HMGXB4: variants seen among roughly 807,000 people sequenced by gnomAD.
HMGXB4 encodes HMG domain-containing protein 4.
Under a neutral mutation model 63.9 loss-of-function variants are expected in HMGXB4, and 27 were observed. The observed-to-expected ratio is 0.42, with a 90% CI of 0.31 to 0.58. The LOEUF is 0.58. Ranked by LOEUF, HMGXB4 falls within the 20% of genes least tolerant of loss-of-function variation. The pLI is 0.13. For missense variants in HMGXB4, 624 were observed against 700.7 expected (o/e 0.89, Z 1.24); for synonymous variants, 264 against 265.3 (o/e 0.99, Z 0.05).
intron 6 of HMGXB4, among the ~76,000 whole-genome samples, chr22:35,284,588 T>A (rs1313776995): frequency 6.6e-6 from 1 of 152,238 alleles, no homozygotes; most frequent in Non-Finnish European, 1.5e-5. Context: ...AAAGCCTGTT[T>A]TATAATAAAG....
At chr22:35,242,236 G>A in the HMGXB4 span, among the ~76,000 whole-genome samples, 17 of 152,092 alleles carry the variant, frequency 1.1e-4, 1 homozygote, top group Admixed American at 6.5e-5. Context: ...TTAATAGTTT[G>A]TAGGGCTAGT....
chr22:35,293,483 T>C (rs565582171), intron 10 of HMGXB4, 124 bp from the exon 11 acceptor site: 4 of 687,186 alleles, frequency 5.8e-6, no homozygotes, highest in East Asian at 2.7e-5. Flanking sequence ...GGATGCCGTC[T>C]TCATTCTCAC....
rs55870330 is a variant in HMGXB4, at chr22:35,268,395, A to G, written c.1215+2792A>G. 5.5e-3 allele frequency among the ~76,000 whole-genome samples: 839 copies of G among 152,138 alleles called. 10 individuals are homozygous for G. Among genetic ancestry groups the G allele is most frequent in the African/African-American group, 0.019 (784 of 41,496 alleles). ...TATCTTTCAAGCCTTTAGCTCCTCC[A>G]TTACCATTGCCACTGTCTTAGGCCT... On this transcript the variant is annotated intron_variant, in intron 5 of 10. Coordinates refer to ENST00000216106, the MANE Select transcript of HMGXB4 (RefSeq NM_001003681.3).
At chr22:35,265,903 G>A (rs552839755) in intron 5 of HMGXB4, among the ~76,000 whole-genome samples, 2 of 150,030 alleles carry the variant, frequency 1.3e-5, no homozygotes, top group South Asian at 4.2e-4. Context: ...ACCCTCCCAA[G>A]TAGCTGAAAT....
chr22:35,264,019 T>G, intron 4 of HMGXB4, 145 bp downstream of exon 4: 1 of 1,553,436 alleles, frequency 6.4e-7, no homozygotes, highest in Non-Finnish European at 8.7e-7. Context: ...TAAACCAGTG[T>G]GAAGGAGGAG....
At position 35,292,901 on chromosome 22, in the gene HMGXB4, A is replaced by T. The variant is rs1036444817; in HGVS notation, c.1639-91A>T. ...TAAAGTTTCAAATTATAAGAGTAGA[A>T]CTGCCTAGGATTTAAAGTACTGTGT... is the stretch of plus-strand genomic sequence containing the variant. On this transcript the variant is annotated intron_variant, in intron 9 of 10. Transcript: ENST00000216106. 3 of 1,470,998 alleles carry T rather than the reference A, an allele frequency of 2.0e-6. No individual in the cohort carries two copies. In the Admixed American group the frequency reaches 5.4e-5, roughly 26 times the overall value. 91.1% of individuals were successfully genotyped at this position (1,470,998 alleles called of 1,614,324 possible).
chr22:35,293,570 A>G (rs1456796284), intron 10 of HMGXB4, 37 bp from the exon 11 acceptor site: 3 of 1,447,230 alleles, frequency 2.1e-6, no homozygotes. Flanking sequence ...ACCAAGGTAC[A>G]GTACTCTTCA....
intron 5 of HMGXB4, among the ~76,000 whole-genome samples, chr22:35,266,992 A>G (rs977627527): frequency 6.6e-6 from 1 of 152,064 alleles, no homozygotes; most frequent in Non-Finnish European, 1.5e-5. Flanking sequence ...GTCTCAAAAG[A>G]AAAAAGAAAA....
chr22:35,244,939 C>T, the HMGXB4 span, among the ~76,000 whole-genome samples: 1 of 152,168 alleles, frequency 6.6e-6, no homozygotes, highest in Non-Finnish European at 1.5e-5. Context: ...AGTACAGTTT[C>T]TTTACAGCAC....
At position 35,264,948 on chromosome 22, in the gene HMGXB4, C is replaced by T. The variant is rs1209075399; in HGVS notation, c.560C>T (p.Pro187Leu). The T allele has an allele frequency of 6.2e-7, 1 of 1,614,074 alleles. No individual in the cohort carries two copies. Among genetic ancestry groups the T allele is most frequent in the Non-Finnish European group, 8.5e-7 (1 of 1,180,024 alleles). Reference sequence around the variant, plus strand: ...ACAGAGACACTGACCCTTCGGGAGCCTGATGGTTTAAAAATGAAACTTATT... The same window carrying T: ...ACAGAGACACTGACCCTTCGGGAGCTTGATGGTTTAAAAATGAAACTTATT... ...VNTETLTLRE[P>L]DGLKMKLILS... The change falls in exon 5 of 11, where the codon CCT (proline) becomes CTT (leucine). Residue 187 changes from proline (P) to leucine (L), a missense_variant. Pro to Leu is a moderately conservative substitution (Grantham distance 98). Around this residue, in one of 2 missense-constraint regions of HMGXB4, gnomAD observed 472 missense variants for 470.6 expected, o/e 1.00. Coordinates refer to ENST00000216106, the MANE Select transcript of HMGXB4 (RefSeq NM_001003681.3).
the HMGXB4 span, among the ~76,000 whole-genome samples, chr22:35,245,120 C>T: frequency 1.3e-5 from 2 of 152,128 alleles, no homozygotes; most frequent in Admixed American, 1.3e-4. Flanking sequence ...GATCCACCCA[C>T]CTTGGCCTCC....
At chr22:35,263,276 T>G in intron 3 of HMGXB4, 50 bp downstream of exon 3, 1 of 1,504,914 alleles carries the variant, frequency 6.6e-7, no homozygotes, top group Non-Finnish European at 9.0e-7. Flanking sequence ...CTCATTTTTT[T>G]TTGGTGATGC....
At chr22:35,257,920 C>T (rs1922544674) in intron 1 of HMGXB4, among the ~76,000 whole-genome samples, 3 of 152,070 alleles carry the variant, frequency 2.0e-5, no homozygotes, top group South Asian at 2.1e-4. Context: ...CCGCCGGAGA[C>T]GCGGGAACCC....
At chr22:35,290,233 T>G (rs1458426013) in intron 9 of HMGXB4, among the ~76,000 whole-genome samples, 2 of 152,216 alleles carry the variant, frequency 1.3e-5, no homozygotes, top group Admixed American at 6.5e-5. Context: ...ATATTTCCAT[T>G]TAGTTTAGTA....
At chr22:35,290,213 A>G (rs533567351) in intron 9 of HMGXB4, among the ~76,000 whole-genome samples, 2 of 152,264 alleles carry the variant, frequency 1.3e-5, no homozygotes, top group Admixed American at 1.3e-4. Context: ...CGTATTCTGA[A>G]TTTTCCCAGA....
At chr22:35,243,176 GC>G in the HMGXB4 span, among the ~76,000 whole-genome samples, 2 of 152,108 alleles carry the variant, frequency 1.3e-5, no homozygotes, top group Non-Finnish European at 2.9e-5. Flanking sequence ...TTCGAGACCA[GC>G]CTGGCCAACA....
Position 35,265,514 on chromosome 22 carries a change from C to T in HMGXB4, c.1126C>T (p.Leu376=), listed in dbSNP as rs1393876406. 1.2e-6 allele frequency: 2 copies of T among 1,613,810 alleles called. No individual in the cohort carries two copies. Among genetic ancestry groups the T allele is most frequent in the Admixed American group, 1.7e-5 (1 of 59,990 alleles). Residue 376 remains leucine (L), a synonymous_variant, in exon 5 of 11, where the codon CTG becomes TTG. Coordinates refer to ENST00000216106, the MANE Select transcript of HMGXB4 (RefSeq NM_001003681.3). Reference sequence around the variant, plus strand: ...ATACGCTGGAGCAGCAGCACCTCCCCTGCCACTTCCTGGCCTCCACACAGA... The same window carrying T: ...ATACGCTGGAGCAGCAGCACCTCCCTTGCCACTTCCTGGCCTCCACACAGA... ...IPYAGAAAPP[L]PLPGLHTDGH...
At chr22:35,280,000 C>T (rs1170885863) in intron 5 of HMGXB4, among the ~76,000 whole-genome samples, 1 of 152,150 alleles carries the variant, frequency 6.6e-6, no homozygotes, top group Non-Finnish European at 1.5e-5. Context: ...ACTTTAGAAT[C>T]AGTTGATGTC....
At chr22:35,277,589 C>T (rs1412441925) in intron 5 of HMGXB4, among the ~76,000 whole-genome samples, 1 of 152,232 alleles carries the variant, frequency 6.6e-6, no homozygotes, top group African/African-American at 2.4e-5. Flanking sequence ...CTCAGGTGAT[C>T]TGCCCGCCTT....
Sources: gnomAD v4.1 joint callset for allele counts (sites outside exome capture counted in the v4.1 genomes callset) on GRCh38, gnomAD v4.1.1 for gene constraint, gnomAD v4.1.1 regional missense constraint, MANE v1.5 for transcripts, NCBI Gene and HGNC (gene_info 2026-07-23, HGNC 2026-07-21) for gene names.